Variants in LSAMP observed in about 807,000 individuals in gnomAD.
LSAMP encodes the protein limbic system associated membrane protein, also known as limbic system-associated membrane protein.
A neutral mutation model predicts 38.6 loss-of-function variants in LSAMP; 7 were observed. That is an observed-to-expected ratio of 0.18 (90% CI 0.10 to 0.34). LSAMP has a LOEUF of 0.34. LSAMP is among the 10% of genes least tolerant of loss of function. LSAMP has a pLI of 1.00. For synonymous variants in LSAMP, 154 were observed against 166.8 expected (o/e 0.92, Z 0.59); for missense variants, 313 against 420.0 (o/e 0.75, Z 2.23).
chr3:115,849,434 T>C (rs112591144), intron 4 of LSAMP, among the ~76,000 whole-genome samples: 2 of 152,056 alleles, frequency 1.3e-5, no homozygotes, highest in African/African-American at 2.4e-5. Flanking sequence ...ACTGAGTAAA[T>C]GAGTCAAGGA....
chr3:116,154,596 A>C (rs1045031917), intron 1 of LSAMP, among the ~76,000 whole-genome samples: 7 of 152,070 alleles, frequency 4.6e-5, no homozygotes, highest in Non-Finnish European at 8.8e-5. Context: ...GCCTCACCTA[A>C]AGGCATGCCC....
chr3:116,238,293 C>A (rs2903483), intron 1 of LSAMP, among the ~76,000 whole-genome samples: 3 of 152,046 alleles, frequency 2.0e-5, no homozygotes, highest in Non-Finnish European at 4.4e-5. Flanking sequence ...ACTAAACTAA[C>A]CTAAGCTGTT....
Position 115,913,025 on chromosome 3 carries a change from T to A in LSAMP, c.515-60408A>T, listed in dbSNP as rs1442951554. ...AGAAGTATAGGGACAAATATGTGTA[T>A]TCCATCTCCTCAAAAGTGGATTTCC... On this transcript the variant is annotated intron_variant, in intron 3 of 6. Coordinates refer to ENST00000490035, the MANE Select transcript of LSAMP (RefSeq NM_002338.5). 3.3e-5 allele frequency among the ~76,000 whole-genome samples: 5 copies of A among 152,342 alleles called. No homozygotes were observed. In the East Asian group the frequency reaches 9.6e-4, roughly 29 times the overall value.
intron 3 of LSAMP, among the ~76,000 whole-genome samples, chr3:115,941,855 G>T (rs549841217): frequency 1.3e-5 from 2 of 152,060 alleles, no homozygotes; most frequent in African/African-American, 2.4e-5. Flanking sequence ...AGACAAACAA[G>T]TTCTGGGGAT....
chr3:116,191,506 G>A (rs1710754359), intron 1 of LSAMP, among the ~76,000 whole-genome samples: 2 of 152,084 alleles, frequency 1.3e-5, no homozygotes, highest in South Asian at 4.1e-4. Context: ...TGCAGCCCAG[G>A]AAGGTTAAGA....
intron 3 of LSAMP, among the ~76,000 whole-genome samples, chr3:115,899,583 A>T (rs768716782): frequency 6.6e-6 from 1 of 152,186 alleles, no homozygotes. Context: ...TAAGGGATGT[A>T]GACTTAACTC....
intron 1 of LSAMP, among the ~76,000 whole-genome samples, chr3:116,211,531 G>T (rs2046156749): frequency 6.6e-6 from 1 of 152,112 alleles, no homozygotes; most frequent in Admixed American, 6.6e-5. Flanking sequence ...AAGCTAATTG[G>T]GTTTGTACTC....
chr3:116,384,991 G>A (rs1174094450), intron 1 of LSAMP, among the ~76,000 whole-genome samples: 1 of 151,936 alleles, frequency 6.6e-6, no homozygotes, highest in African/African-American at 2.4e-5. Flanking sequence ...CAGTCACTGA[G>A]TCTAGCTGGA....
intron 6 of LSAMP, among the ~76,000 whole-genome samples, chr3:115,838,988 CT>C (rs1318289093): frequency 6.6e-6 from 1 of 152,182 alleles, no homozygotes; most frequent in Non-Finnish European, 1.5e-5. Context: ...CTGTTCTTCT[CT>C]GGATTGGCTT....
chr3:116,231,104 G>A (rs1011383814), intron 1 of LSAMP, among the ~76,000 whole-genome samples: 3 of 152,208 alleles, frequency 2.0e-5, no homozygotes, highest in East Asian at 1.9e-4. Flanking sequence ...AAACATGAAC[G>A]CCCATGTTTG....
chr3:115,886,302 A>G (rs1272872533), intron 3 of LSAMP, among the ~76,000 whole-genome samples: 1 of 151,990 alleles, frequency 6.6e-6, no homozygotes, highest in Non-Finnish European at 1.5e-5. Context: ...ACAGTGCACG[A>G]GGTATGTATG....
intron 2 of LSAMP, among the ~76,000 whole-genome samples, chr3:116,062,023 G>A (rs935839012): frequency 6.6e-6 from 1 of 152,126 alleles, no homozygotes; most frequent in Admixed American, 6.5e-5. Context: ...AGAAATTGTG[G>A]AAAATGGAGC....
Position 116,185,030 on chromosome 3 carries a change from C to CTTTTTTT in LSAMP, c.156-98481_156-98475dup, listed in dbSNP as rs368314567. On this transcript the variant is annotated intron_variant, in intron 1 of 6. Coordinates refer to ENST00000490035, the MANE Select transcript of LSAMP (RefSeq NM_002338.5). ...AGATTTTTTCTTTCTTTCTTTCTTT[C>CTTTTTTT]TTTTTTTTTTTTTTTCAGTTCTCAC... Among the ~76,000 whole-genome samples the CTTTTTTT allele has an allele frequency of 2.3e-3, 276 of 117,656 alleles. 4 individuals are homozygous for CTTTTTTT. Among genetic ancestry groups the CTTTTTTT allele is most frequent in the South Asian group, 0.012 (44 of 3,592 alleles). The allele number at this position is 117,656 out of a possible 152,430, so 77.2% of individuals were successfully genotyped here.
At chr3:115,912,363 C>T (rs1193610604) in intron 3 of LSAMP, among the ~76,000 whole-genome samples, 2 of 152,160 alleles carry the variant, frequency 1.3e-5, no homozygotes, top group African/African-American at 2.4e-5. Flanking sequence ...TCTTTTTGTG[C>T]ATGCATGTCC....
At chr3:116,002,695 A>G (rs758384291) in intron 3 of LSAMP, among the ~76,000 whole-genome samples, 1 of 152,128 alleles carries the variant, frequency 6.6e-6, no homozygotes, top group Non-Finnish European at 1.5e-5. Context: ...TGGAACCAAA[A>G]TGGGCTTCTG....
intron 1 of LSAMP, among the ~76,000 whole-genome samples, chr3:116,364,417 C>T (rs1307982288): frequency 2.6e-4 from 6 of 22,856 alleles, no homozygotes; most frequent in African/African-American, 4.7e-4. Flanking sequence ...GAATCAATAT[C>T]GTGAAAATGG....
intron 2 of LSAMP, among the ~76,000 whole-genome samples, chr3:116,041,428 A>G (rs1382159940): frequency 6.6e-6 from 1 of 152,124 alleles, no homozygotes. Context: ...CTCCCCTTTT[A>G]TAGAATCAAA....
At chr3:116,260,197 T>C (rs894085267) in intron 1 of LSAMP, among the ~76,000 whole-genome samples, 4 of 152,088 alleles carry the variant, frequency 2.6e-5, no homozygotes, top group African/African-American at 9.7e-5. Context: ...GATCCTTCTT[T>C]ACATTTGTAT....
chr3:116,124,851 TA>T (rs1403106659), intron 1 of LSAMP, among the ~76,000 whole-genome samples: 1 of 152,236 alleles, frequency 6.6e-6, no homozygotes, highest in East Asian at 1.9e-4. Context: ...ATATTCATTT[TA>T]CACATGCAAA....
Sources: gnomAD v4.1 joint callset for allele counts (sites outside exome capture counted in the v4.1 genomes callset) on GRCh38, gnomAD v4.1.1 for gene constraint, MANE v1.5 for transcripts, NCBI Gene and HGNC (gene_info 2026-07-23, HGNC 2026-07-21) for gene names.